LRBA: variants seen among roughly 807,000 people sequenced by gnomAD.
LRBA encodes LPS responsive beige-like anchor protein, also known as lipopolysaccharide-responsive and beige-like anchor protein.
In LRBA, 176 loss-of-function variants were observed where a neutral mutation model predicts 330.0. That is an observed-to-expected ratio of 0.53 (90% CI 0.47 to 0.60). The LOEUF is 0.60. Among genes scored for constraint, LRBA ranks in the 20% least tolerant of loss-of-function variants. The pLI is 0.00. For missense variants in LRBA, 3,259 were observed against 3,444.8 expected, an observed-to-expected ratio of 0.95 and a Z score of 1.35; for synonymous variants, 1,230 against 1,193.0, an observed-to-expected ratio of 1.03 and a Z score of -0.64.
Position 150,278,003 on chromosome 4 carries a change from G to A in LRBA, c.8318C>T (p.Ala2773Val), listed in dbSNP as rs140288109. Residue 2773 changes from alanine to valine, a missense_variant and splice_region_variant, in exon 56 of 57, where the codon GCC becomes GTC. Coordinates refer to ENST00000651943, the MANE Select transcript of LRBA (RefSeq NM_001364905.1). The stretch of plus-strand genomic sequence containing the variant: ...CTGCCCATCTCGGCTCAGCTGGATG[G>A]CCTGTGAGACACAGCAACATTCAGT... Reference protein sequence around the residue: ...ATMETDDNIRAIQLSRDGQYL... With the variant: ...ATMETDDNIRVIQLSRDGQYL... The A allele has an allele frequency of 4.5e-5, 73 of 1,613,580 alleles. 1 individual carries two copies. The Middle Eastern group carries it at 6.6e-4, about 15-fold the overall frequency.
intron 47 of LRBA, among the ~76,000 whole-genome samples, chr4:150,365,207 A>G (rs1739288546): frequency 1.3e-5 from 2 of 152,016 alleles, no homozygotes; most frequent in Non-Finnish European, 2.9e-5. Context: ...GAGTTTCACC[A>G]TGTTGCCCAG....
intron 2 of LRBA, among the ~76,000 whole-genome samples, chr4:151,005,871 C>T (rs1224222485): frequency 3.9e-5 from 6 of 152,022 alleles, no homozygotes; most frequent in East Asian, 1.9e-4. Flanking sequence ...ACTGGGATTA[C>T]AGACTTACAG....
At chr4:150,269,992 A>AAGAG (rs1402994660) in intron 56 of LRBA, among the ~76,000 whole-genome samples, 3 of 152,228 alleles carry the variant, frequency 2.0e-5, no homozygotes, top group African/African-American at 7.2e-5. Flanking sequence ...GGATATTAGG[A>AAGAG]AGAGAGTGAA....
chr4:150,632,471 C>T (rs970931416), intron 37 of LRBA, among the ~76,000 whole-genome samples: 4 of 152,078 alleles, frequency 2.6e-5, no homozygotes, highest in Non-Finnish European at 4.4e-5. Context: ...GTTGCATGCA[C>T]TATTTAATAA....
At chr4:150,828,925 GTGT>G (rs1560878390) in intron 29 of LRBA, among the ~76,000 whole-genome samples, 1,496 of 108,004 alleles carry the variant, frequency 0.014, 26 homozygotes, top group African/African-American at 0.055. Context: ...TTTTGGGGGT[GTGT>G]GTGTGTGTGT....
intron 47 of LRBA, among the ~76,000 whole-genome samples, chr4:150,381,169 T>G (rs1364755171): frequency 6.6e-6 from 1 of 152,136 alleles, no homozygotes; most frequent in Admixed American, 6.5e-5. Context: ...ATTTTTGAAT[T>G]AAAATGACAA....
intron 17 of LRBA, among the ~76,000 whole-genome samples, chr4:150,872,956 GGAATATAA>G (rs1380802378): frequency 6.6e-6 from 1 of 152,028 alleles, no homozygotes; most frequent in Non-Finnish European, 1.5e-5. Context: ...AGAAGAAATT[GGAATATAA>G]GAAATGAGGT....
chr4:150,501,980 A>C lies in LRBA; in HGVS notation c.6331-10945T>G, dbSNP rs1760340172. Among the ~76,000 whole-genome samples, 3 of 152,360 alleles carry C rather than the reference A, an allele frequency of 2.0e-5. No individual in the cohort carries two copies. The South Asian group carries it at 6.2e-4, about 32-fold the overall frequency. On this transcript the variant is annotated intron_variant, in intron 40 of 56. Transcript: ENST00000651943. The stretch of plus-strand genomic sequence containing the variant: ...AATAGAGAAACGTAGTTAGAACGTA[A>C]TGGTCTCCTGCAGTAGAGAAAACAG...
At chr4:150,397,495 T>C (rs1744892689) in intron 47 of LRBA, among the ~76,000 whole-genome samples, 1 of 152,010 alleles carries the variant, frequency 6.6e-6, no homozygotes, top group African/African-American at 2.4e-5. Flanking sequence ...CCAAGCTAGC[T>C]TCAAACTCCC....
intron 40 of LRBA, among the ~76,000 whole-genome samples, chr4:150,533,562 T>C (rs1764277431): frequency 6.6e-6 from 1 of 152,174 alleles, no homozygotes; most frequent in Admixed American, 6.6e-5. Flanking sequence ...GGCATGTGTG[T>C]CAGCTATCAA....
At chr4:150,482,495 A>G (rs1757400812) in intron 42 of LRBA, among the ~76,000 whole-genome samples, 1 of 152,068 alleles carries the variant, frequency 6.6e-6, no homozygotes, top group East Asian at 1.9e-4. Flanking sequence ...TGCTATAAAT[A>G]TTCATGAAGC....
At chr4:150,767,161 A>G (rs1445699330) in intron 34 of LRBA, among the ~76,000 whole-genome samples, 1 of 152,222 alleles carries the variant, frequency 6.6e-6, no homozygotes, top group Non-Finnish European at 1.5e-5. Flanking sequence ...AATATAAAGA[A>G]AAAGATACCA....
At chr4:150,382,622 CAAA>C (rs112630500) in intron 47 of LRBA, among the ~76,000 whole-genome samples, 4 of 111,466 alleles carry the variant, frequency 3.6e-5, no homozygotes, top group East Asian at 2.6e-4. Context: ...GACTCTGTTT[CAAA>C]AAAAAAAAAA....
Position 150,583,518 on chromosome 4 carries a change from G to A in LRBA, c.6330+4530C>T, listed in dbSNP as rs1581741146. On this transcript the variant is annotated intron_variant, in intron 40 of 56. Coordinates refer to ENST00000651943, the MANE Select transcript of LRBA (RefSeq NM_001364905.1). This position sits in a 1 kb window ranked among gnomAD's most constrained non-coding sequence, Gnocchi z 9.8. ...CCAGCGAGGTCAAGTTGCGCATCAG[G>A]GAGCGCTATGTGGTGCAAATCACTC... 1 of 1,613,944 alleles carries A rather than the reference G, an allele frequency of 6.2e-7. No homozygotes were observed. Among genetic ancestry groups the A allele is most frequent in the South Asian group, 1.1e-5 (1 of 91,074 alleles).
intron 54 of LRBA, among the ~76,000 whole-genome samples, chr4:150,285,003 A>G (rs1747973071): frequency 6.6e-6 from 1 of 152,234 alleles, no homozygotes; most frequent in South Asian, 2.1e-4. Context: ...CTCAGGACGT[A>G]TGAAATTATT....
Position 150,852,019 on chromosome 4 carries a change from T to A in LRBA, c.3691A>T (p.Ser1231Cys). 1 of 1,614,148 alleles carries A rather than the reference T, an allele frequency of 6.2e-7. No homozygotes were observed. Among genetic ancestry groups the A allele is most frequent in the Non-Finnish European group, 8.5e-7 (1 of 1,179,988 alleles). Residue 1231 changes from serine to cysteine, a missense_variant, in exon 23 of 57, where the codon AGT becomes TGT. Ser to Cys is a moderately radical substitution (Grantham distance 112). Coordinates refer to ENST00000651943, the MANE Select transcript of LRBA (RefSeq NM_001364905.1). ...ETKLINDCHGSVSEASSEQKI... is the reference protein window; with the variant it reads ...ETKLINDCHGCVSEASSEQKI... ...TGCTCAGAAGAAGCCTCAGAGACAC[T>A]ACCATGACAATCATTAATTAATTTG... is the stretch of plus-strand genomic sequence containing the variant.
chr4:150,869,413 G>T (rs1006599809), intron 20 of LRBA, among the ~76,000 whole-genome samples: 1 of 152,088 alleles, frequency 6.6e-6, no homozygotes, highest in Non-Finnish European at 1.5e-5. Flanking sequence ...ATTAGGCCAG[G>T]CACAGCGGCT....
At chr4:150,695,250 A>G (rs1784522222) in intron 36 of LRBA, among the ~76,000 whole-genome samples, 1 of 152,178 alleles carries the variant, frequency 6.6e-6, no homozygotes, top group Non-Finnish European at 1.5e-5. Context: ...TTTTAAAACT[A>G]TAGTATGAGA....
At chr4:150,496,655 G>T (rs4380502) in intron 40 of LRBA, among the ~76,000 whole-genome samples, 4 of 151,716 alleles carry the variant, frequency 2.6e-5, no homozygotes, top group Admixed American at 6.6e-5. Flanking sequence ...CTATTCCTAA[G>T]GTTTAAAACT....
Sources: gnomAD v4.1 joint callset for allele counts (sites outside exome capture counted in the v4.1 genomes callset) on GRCh38, gnomAD v4.1.1 for gene constraint, Gnocchi (gnomAD v3.1) non-coding constraint, MANE v1.5 for transcripts, NCBI Gene and HGNC (gene_info 2026-07-23, HGNC 2026-07-21) for gene names.